The following MYO5B variants were observed in gnomAD, a reference collection of about 807,000 sequenced individuals.
MYO5B encodes the protein unconventional myosin-Vb.
In MYO5B, 143 loss-of-function variants were observed where a neutral mutation model predicts 229.3. The observed-to-expected ratio is 0.62, with a 90% CI of 0.54 to 0.72. MYO5B has a LOEUF of 0.72. Ranked by LOEUF, MYO5B falls within the 30% of genes least tolerant of loss-of-function variation. The pLI, the probability that MYO5B is intolerant of heterozygous loss-of-function variation, is 0.00. For missense variants in MYO5B, 2,321 were observed against 2,331.0 expected, an observed-to-expected ratio of 1.00 and a Z score of 0.09; for synonymous variants, 918 against 885.2, an observed-to-expected ratio of 1.04 and a Z score of -0.66.
At chr18:49,867,902 A>G (rs1256235810) in intron 27 of MYO5B, among the ~76,000 whole-genome samples, 1 of 152,240 alleles carries the variant, frequency 6.6e-6, no homozygotes, top group Non-Finnish European at 1.5e-5. Flanking sequence ...AATTTTAATA[A>G]AATGGACAGT....
intron 1 of MYO5B, among the ~76,000 whole-genome samples, chr18:50,154,925 C>T (rs2032656177): frequency 6.6e-6 from 1 of 152,132 alleles, no homozygotes; most frequent in African/African-American, 2.4e-5. Context: ...CAAAGCAGCA[C>T]TCAAAAAAGT....
At chr18:50,140,737 CCA>C in intron 1 of MYO5B, among the ~76,000 whole-genome samples, 1 of 152,276 alleles carries the variant, frequency 6.6e-6, no homozygotes, top group Middle Eastern at 3.4e-3. Flanking sequence ...CTAGTTATAA[CCA>C]CAGTCCACAC....
intron 9 of MYO5B, among the ~76,000 whole-genome samples, chr18:49,976,055 T>C (rs1276317901): frequency 6.6e-6 from 1 of 152,206 alleles, no homozygotes; most frequent in East Asian, 1.9e-4. Flanking sequence ...TCTCACCTGT[T>C]TTTCATTCCC....
intron 1 of MYO5B, among the ~76,000 whole-genome samples, chr18:50,060,678 C>A (rs2144427389): frequency 6.6e-6 from 1 of 152,336 alleles, no homozygotes; most frequent in Middle Eastern, 3.4e-3. Context: ...TATTCTCCAA[C>A]AACCTGTTCC....
At chr18:50,088,549 A>G (rs2031380257) in intron 1 of MYO5B, among the ~76,000 whole-genome samples, 1 of 152,220 alleles carries the variant, frequency 6.6e-6, no homozygotes, top group Non-Finnish European at 1.5e-5. Flanking sequence ...TGAAGGAGCA[A>G]TATTTTTAAA....
intron 1 of MYO5B, among the ~76,000 whole-genome samples, chr18:50,073,791 C>T (rs1298616497): frequency 6.6e-6 from 1 of 152,194 alleles, no homozygotes; most frequent in African/African-American, 2.4e-5. Context: ...AATGATACCT[C>T]CATCTACTTT....
chr18:49,975,247 G>A (rs1046801543), intron 9 of MYO5B, among the ~76,000 whole-genome samples: 7 of 152,116 alleles, frequency 4.6e-5, no homozygotes, highest in African/African-American at 7.2e-5. Flanking sequence ...TGGGCCCTTC[G>A]AAGGCACTAG....
intron 4 of MYO5B, among the ~76,000 whole-genome samples, chr18:50,032,335 CAA>C (rs1483762632): frequency 6.6e-6 from 1 of 152,102 alleles, no homozygotes; most frequent in Non-Finnish European, 1.5e-5. Context: ...AACCACCCCC[CAA>C]AAAAACATAA....
At chr18:50,124,267 T>A (rs1013385018) in intron 1 of MYO5B, among the ~76,000 whole-genome samples, 1 of 152,238 alleles carries the variant, frequency 6.6e-6, no homozygotes, top group African/African-American at 2.4e-5. Flanking sequence ...TAGACTTCGT[T>A]ATAAAACTGT....
chr18:49,955,739 G>A (rs972730045), intron 12 of MYO5B, among the ~76,000 whole-genome samples: 2 of 152,222 alleles, frequency 1.3e-5, no homozygotes, highest in African/African-American at 4.8e-5. Context: ...GCACTGGGCA[G>A]ACAATAAAAT....
chr18:50,031,196 G>C lies in MYO5B; in HGVS notation c.455+5654C>G, dbSNP rs531529651. On this transcript the variant is annotated intron_variant, in intron 4 of 39. Transcript: ENST00000285039. ...TAAATTCCATTGCTACCCATTAAGGGAGGTAGAACAGCTTCTTGGCTAATG... is the reference window on the plus strand; with the variant it reads ...TAAATTCCATTGCTACCCATTAAGGCAGGTAGAACAGCTTCTTGGCTAATG... Among the ~76,000 whole-genome samples, 3 of 152,286 alleles carry C rather than the reference G, an allele frequency of 2.0e-5. No individual in the cohort carries two copies. In the South Asian group the frequency reaches 6.2e-4, roughly 32 times the overall value.
chr18:50,187,725 C>T (rs1568138066), intron 1 of MYO5B, among the ~76,000 whole-genome samples: 1 of 152,128 alleles, frequency 6.6e-6, no homozygotes, highest in South Asian at 2.1e-4. Context: ...CTATGTTGTC[C>T]AGGCTAGTCT....
intron 1 of MYO5B, among the ~76,000 whole-genome samples, chr18:50,161,492 A>C (rs994969450): frequency 7.0e-6 from 1 of 142,276 alleles, no homozygotes; most frequent in African/African-American, 2.5e-5. Context: ...GAAGGAATTT[A>C]GAGGAAATGG....
intron 4 of MYO5B, among the ~76,000 whole-genome samples, chr18:50,032,707 C>A (rs1028804088): frequency 6.6e-6 from 1 of 152,156 alleles, no homozygotes; most frequent in Non-Finnish European, 1.5e-5. Context: ...GTTCTCAGGC[C>A]GGGCATGGAG....
chr18:49,847,689 C>A (rs965598323), intron 32 of MYO5B, among the ~76,000 whole-genome samples: 1 of 152,248 alleles, frequency 6.6e-6, no homozygotes, highest in Non-Finnish European at 1.5e-5. Flanking sequence ...AAAGGAGATA[C>A]CGTTTTTCTG....
intron 2 of MYO5B, among the ~76,000 whole-genome samples, chr18:50,048,770 C>T (rs1473910092): frequency 2.0e-5 from 3 of 152,084 alleles, no homozygotes; most frequent in African/African-American, 7.2e-5. Flanking sequence ...TGCCTGTAAT[C>T]CCAGCACTTT....
At chr18:50,157,899 G>A (rs769291570) in intron 1 of MYO5B, among the ~76,000 whole-genome samples, 2 of 152,174 alleles carry the variant, frequency 1.3e-5, no homozygotes, top group Non-Finnish European at 2.9e-5. Flanking sequence ...AAAAACAATT[G>A]AGAATATTTT....
At position 49,902,589 on chromosome 18, in the gene MYO5B, C is replaced by A. The variant is rs1387789818; in HGVS notation, c.2811+5G>T. On this transcript the variant is annotated splice_donor_5th_base_variant and intron_variant, in intron 21 of 39. Transcript: ENST00000285039. ...ACACCCAGGTAGGGAGCTGCAGACA[C>A]TGACCTGCTCATCGATCTTCCGCTG... 1.9e-6 allele frequency: 3 copies of A among 1,611,208 alleles called. No individual in the cohort carries two copies. Among genetic ancestry groups the A allele is most frequent in the Middle Eastern group, 1.7e-4 (1 of 5,770 alleles).
At chr18:50,075,596 C>G (rs1174817468) in intron 1 of MYO5B, among the ~76,000 whole-genome samples, 2 of 152,182 alleles carry the variant, frequency 1.3e-5, no homozygotes, top group East Asian at 3.9e-4. Flanking sequence ...AAGCCTAGAT[C>G]CTAGTGTGAG....
Sources: gnomAD v4.1 joint callset for allele counts (sites outside exome capture counted in the v4.1 genomes callset) on GRCh38, gnomAD v4.1.1 for gene constraint, MANE v1.5 for transcripts, NCBI Gene and HGNC (gene_info 2026-07-23, HGNC 2026-07-21) for gene names.